C11orf65: variants seen among roughly 807,000 people sequenced by gnomAD.
C11orf65 encodes chromosome 11 open reading frame 65.
C11orf65 carries 38 observed loss-of-function variants against 35.3 expected under a neutral mutation model. The observed-to-expected ratio is 1.08, with a 90% CI of 0.83 to 1.41. The LOEUF (loss-of-function observed/expected upper bound fraction) is 1.41, where lower values mean the gene tolerates loss of function less well. Ranked by LOEUF, C11orf65 falls within the 40% of genes most tolerant of loss-of-function variation. C11orf65 has a pLI of 0.00. For missense variants in C11orf65, 370 were observed against 367.1 expected, an observed-to-expected ratio of 1.01 and a Z score of -0.06; for synonymous variants, 105 against 114.4, an observed-to-expected ratio of 0.92 and a Z score of 0.53.
intron 3 of C11orf65, among the ~76,000 whole-genome samples, chr11:108,332,553 T>C (rs1258075434): frequency 6.6e-6 from 1 of 152,162 alleles, no homozygotes; most frequent in Non-Finnish European, 1.5e-5. Flanking sequence ...AGTGAAACAA[T>C]AGATTTTGAA....
At chr11:108,380,602 C>T (rs927547328), downstream of C11orf65, among the ~76,000 whole-genome samples, 7 of 152,210 alleles carry the variant, frequency 4.6e-5, no homozygotes, top group Non-Finnish European at 1.0e-4. Flanking sequence ...AGCTCATCTA[C>T]AGAAGAGTCA....
rs1210901297 is a variant in C11orf65, at chr11:108,407,490, T to TC, written c.175-342_175-341insG. On this transcript the variant is annotated intron_variant, in intron 3 of 8. Coordinates refer to ENST00000393084, the MANE Select transcript of C11orf65 (RefSeq NM_152587.5). ...CCATGCCTGGCTAATTTTGTATTTT[T>TC]TTTTTTTTTTGTAGAGACAAGAGTC... is the stretch of plus-strand genomic sequence containing the variant. Among the ~76,000 whole-genome samples the TC allele has an allele frequency of 3.3e-5, 5 of 150,692 alleles. No individual in the cohort carries two copies. In the East Asian group the frequency reaches 9.7e-4, roughly 29 times the overall value.
chr11:108,365,333 A>T lies in C11orf65; in HGVS notation c.226+27875T>A, dbSNP rs1555151684. 2 of 1,614,220 alleles carry T rather than the reference A, an allele frequency of 1.2e-6. No individual in the cohort carries two copies. The highest frequency in any genetic ancestry group is 1.7e-6 in the Non-Finnish European group (2 of 1,180,040). The stretch of plus-strand genomic sequence containing the variant: ...TGTGTTTTTGTCCTTAGTGATATTG[A>T]CCAGAGTTTCAACAAAGTAGCTGAA... On this transcript the variant is annotated intron_variant, in intron 2 of 3. Transcript: ENST00000524755.
chr11:108,334,478 G>A (rs184426434), intron 3 of C11orf65, among the ~76,000 whole-genome samples: 1 of 152,242 alleles, frequency 6.6e-6, no homozygotes, highest in East Asian at 1.9e-4. Flanking sequence ...TTTCATGTGG[G>A]CAGGGATATA....
intron 2 of C11orf65, among the ~76,000 whole-genome samples, chr11:108,342,677 G>A (rs894542077): frequency 9.2e-5 from 14 of 152,054 alleles, no homozygotes; most frequent in South Asian, 2.1e-4. Flanking sequence ...TATACTTTAT[G>A]TATGTTTATA....
At chr11:108,316,172 G>A (rs2136135823) in intron 6 of C11orf65, 2 of 1,436,314 alleles carry the variant, frequency 1.4e-6, no homozygotes, top group Non-Finnish European at 2.0e-6. Context: ...GGTTATTTCA[G>A]TATGTTGGTG....
intron 2 of C11orf65, among the ~76,000 whole-genome samples, chr11:108,339,591 G>C (rs1565550814): frequency 6.6e-6 from 1 of 152,024 alleles, no homozygotes; most frequent in South Asian, 2.1e-4. Context: ...TAGTACCAGA[G>C]AAAACACTGT....
downstream of C11orf65, chr11:108,329,294 T>C (rs372017113): frequency 1.5e-5 from 22 of 1,463,760 alleles, no homozygotes; most frequent in African/African-American, 2.8e-4. Context: ...TGAGTGAGTG[T>C]TTTTGCATAG....
chr11:108,327,067 A>G (rs4988108), downstream of C11orf65, among the ~76,000 whole-genome samples: 433 of 152,218 alleles, frequency 2.8e-3, 3 homozygotes, highest in African/African-American at 0.01. Context: ...AGCTCAGGCA[A>G]TCTACCCGCC....
chr11:108,321,235 T>C, intron 6 of C11orf65: 1 of 1,600,568 alleles, frequency 6.2e-7, no homozygotes, highest in East Asian at 2.2e-5. Context: ...AACAACAAAT[T>C]TAAACATTTA....
intron 3 of C11orf65, chr11:108,334,828 C>T (rs2086654383): frequency 2.1e-6 from 2 of 962,978 alleles, no homozygotes. Flanking sequence ...CCACACCCGG[C>T]CTAAAGTTGT....
downstream of C11orf65, chr11:108,329,183 A>C: frequency 6.2e-7 from 1 of 1,614,064 alleles, no homozygotes; most frequent in East Asian, 2.2e-5. Context: ...AGCTCTCCTG[A>C]AAAGAGCCAA....
chr11:108,354,964 C>A, intron 2 of C11orf65: 2 of 1,114,704 alleles, frequency 1.8e-6, no homozygotes, highest in Non-Finnish European at 2.7e-6. Context: ...AAGAGCACTG[C>A]TTCATTTTAA....
downstream of C11orf65, chr11:108,329,368 A>G (rs116693283): frequency 3.9e-3 from 3,223 of 835,368 alleles, 87 homozygotes; most frequent in African/African-American, 0.048. Context: ...TTAACTATAT[A>G]TAGATTATCT....
intron 2 of C11orf65, among the ~76,000 whole-genome samples, chr11:108,343,961 T>G (rs2087944364): frequency 6.6e-6 from 1 of 152,206 alleles, no homozygotes; most frequent in Non-Finnish European, 1.5e-5. Context: ...TGTGCTGACT[T>G]AAGACTTCAC....
At chr11:108,432,750 A>G (rs1002639054) in intron 2 of C11orf65, among the ~76,000 whole-genome samples, 2 of 152,200 alleles carry the variant, frequency 1.3e-5, no homozygotes, top group African/African-American at 4.8e-5. Context: ...GTCTATACTA[A>G]TAGTATTCTT....
At chr11:108,458,028 C>CT (rs2093428315) in intron 2 of C11orf65, among the ~76,000 whole-genome samples, 1 of 152,068 alleles carries the variant, frequency 6.6e-6, no homozygotes, top group South Asian at 2.1e-4. Context: ...TTTCTAACCT[C>CT]TTTTTTCTAA....
At chr11:108,309,951 A>G (rs1277635936) in intron 6 of C11orf65, among the ~76,000 whole-genome samples, 1 of 152,168 alleles carries the variant, frequency 6.6e-6, no homozygotes, top group Admixed American at 6.5e-5. Flanking sequence ...GTTTGAGGGA[A>G]AAAAGAAAAA....
At chr11:108,426,463 G>A (rs61913860) in intron 3 of C11orf65, among the ~76,000 whole-genome samples, 15,985 of 151,968 alleles carry the variant, frequency 0.11, 1,076 homozygotes, top group Middle Eastern at 0.29. Context: ...ACCTCTTCAA[G>A]GAGAACTACA....
Sources: gnomAD v4.1 joint callset for allele counts (sites outside exome capture counted in the v4.1 genomes callset) on GRCh38, gnomAD v4.1.1 for gene constraint, MANE v1.5 for transcripts, NCBI Gene and HGNC (gene_info 2026-07-23, HGNC 2026-07-21) for gene names.